The following PDGFRL variants were observed in gnomAD, a reference collection of about 807,000 sequenced individuals.
The protein encoded by PDGFRL is platelet derived growth factor receptor like, also known as platelet-derived growth factor receptor-like protein.
Under a neutral mutation model 37.2 loss-of-function variants are expected in PDGFRL, and 46 were observed. The ratio of observed to expected loss-of-function variants is 1.24; its 90% CI spans 0.98 to 1.58. The LOEUF is 1.58. Among genes scored for constraint, PDGFRL ranks in the 40% most tolerant of loss-of-function variants. The pLI is 0.00. For synonymous variants in PDGFRL, 251 were observed against 184.3 expected (o/e 1.36, Z -2.93); for missense variants, 692 against 467.6 (o/e 1.48, Z -4.43).
chr8:17,606,460 C>A (rs1181407324), intron 2 of PDGFRL, among the ~76,000 whole-genome samples: 1 of 152,132 alleles, frequency 6.6e-6, no homozygotes, highest in South Asian at 2.1e-4. Context: ...GGAAACGCCA[C>A]CCCCAAACTC....
chr8:17,597,320 C>T (rs1804074710), intron 2 of PDGFRL, among the ~76,000 whole-genome samples: 1 of 152,234 alleles, frequency 6.6e-6, no homozygotes, highest in South Asian at 2.1e-4. Flanking sequence ...CTCGTCCAGC[C>T]AAGCCTTGTA....
intron 2 of PDGFRL, among the ~76,000 whole-genome samples, chr8:17,599,108 G>C (rs1041161555): frequency 6.6e-5 from 10 of 152,044 alleles, no homozygotes; most frequent in Admixed American, 6.6e-4. Context: ...TATCCACATT[G>C]CACCTTTATG....
chr8:17,594,077 T>C (rs920360615), intron 2 of PDGFRL, among the ~76,000 whole-genome samples: 3 of 151,920 alleles, frequency 2.0e-5, no homozygotes, highest in Admixed American at 6.6e-5. Flanking sequence ...TTCTATGAGT[T>C]TGACAACTCT....
chr8:17,630,249 T>C (rs1804834825), intron 4 of PDGFRL, among the ~76,000 whole-genome samples: 3 of 152,256 alleles, frequency 2.0e-5, no homozygotes, highest in Admixed American at 2.0e-4. Context: ...CTTACTCCCT[T>C]ACTCTTGACA....
chr8:17,593,383 G>A (rs554703884), intron 2 of PDGFRL, among the ~76,000 whole-genome samples: 28 of 151,848 alleles, frequency 1.8e-4, no homozygotes, highest in Non-Finnish European at 3.8e-4. Context: ...CTTGAACCCA[G>A]GAGTTCAAGA....
intron 4 of PDGFRL, among the ~76,000 whole-genome samples, chr8:17,629,758 T>G (rs1325083152): frequency 6.6e-6 from 1 of 152,132 alleles, no homozygotes; most frequent in African/African-American, 2.4e-5. Context: ...AATGTGAACA[T>G]GTCAACCACA....
chr8:17,582,080 G>A (rs891762781), intron 1 of PDGFRL, among the ~76,000 whole-genome samples: 1 of 152,162 alleles, frequency 6.6e-6, no homozygotes, highest in Non-Finnish European at 1.5e-5. Flanking sequence ...AGACAGTAAA[G>A]TTCATGCTGA....
chr8:17,610,011 T>C (rs1478073299), intron 2 of PDGFRL, among the ~76,000 whole-genome samples: 1 of 152,216 alleles, frequency 6.6e-6, no homozygotes, highest in Non-Finnish European at 1.5e-5. Flanking sequence ...GAATTCACTG[T>C]GCTGGGTGCA....
intron 2 of PDGFRL, among the ~76,000 whole-genome samples, chr8:17,591,719 C>G (rs1444594953): frequency 6.6e-6 from 1 of 152,128 alleles, no homozygotes; most frequent in African/African-American, 2.4e-5. Context: ...GAGATTGATA[C>G]CATCCTAGCC....
At chr8:17,578,701 A>G (rs1424262570) in intron 1 of PDGFRL, among the ~76,000 whole-genome samples, 1 of 152,178 alleles carries the variant, frequency 6.6e-6, no homozygotes, top group East Asian at 1.9e-4. Context: ...AGGCTCAGAA[A>G]TTGACTTCCA....
intron 1 of PDGFRL, among the ~76,000 whole-genome samples, chr8:17,588,546 A>G (rs931873504): frequency 2.0e-5 from 3 of 151,986 alleles, no homozygotes. Context: ...GGTCTCACAT[A>G]TGTGTAGGCC....
intron 2 of PDGFRL, among the ~76,000 whole-genome samples, chr8:17,606,546 TTC>T (rs1804281430): frequency 1.3e-5 from 2 of 152,186 alleles, no homozygotes; most frequent in South Asian, 4.1e-4. Flanking sequence ...AGGTAGAGCG[TTC>T]TCTTTCCAGA....
chr8:17,606,960 A>T (rs983382813), intron 2 of PDGFRL, among the ~76,000 whole-genome samples: 1 of 139,732 alleles, frequency 7.2e-6, no homozygotes, highest in African/African-American at 2.7e-5. Flanking sequence ...CAGTGGTGCA[A>T]TCTGGGCTCA....
At chr8:17,637,243 T>A (rs1257693247) in intron 5 of PDGFRL, among the ~76,000 whole-genome samples, 2 of 152,098 alleles carry the variant, frequency 1.3e-5, no homozygotes, top group African/African-American at 4.8e-5. Context: ...TTCATTACCT[T>A]AAGGTATGTC....
chr8:17,619,590 G>GT (rs1563522694), intron 2 of PDGFRL, among the ~76,000 whole-genome samples: 1 of 152,156 alleles, frequency 6.6e-6, no homozygotes, highest in Non-Finnish European at 1.5e-5. Context: ...CAGCCAATGC[G>GT]TTTTCTTCCT....
At chr8:17,595,217 C>T (rs1804026555) in intron 2 of PDGFRL, among the ~76,000 whole-genome samples, 1 of 152,180 alleles carries the variant, frequency 6.6e-6, no homozygotes, top group African/African-American at 2.4e-5. Flanking sequence ...CTCCACTCAC[C>T]TGCTCCCAAA....
intron 2 of PDGFRL, among the ~76,000 whole-genome samples, chr8:17,590,734 C>T (rs112645369): frequency 6.6e-6 from 1 of 151,592 alleles, no homozygotes; most frequent in Non-Finnish European, 1.5e-5. Context: ...AAAAATCATA[C>T]CGTGAAAGTT....
chr8:17,636,859 A>G (rs924110151), intron 5 of PDGFRL, among the ~76,000 whole-genome samples: 23 of 151,728 alleles, frequency 1.5e-4, no homozygotes, highest in African/African-American at 5.3e-4. Flanking sequence ...TTCTGAGTAT[A>G]TATATTTTTT....
intron 1 of PDGFRL, among the ~76,000 whole-genome samples, chr8:17,582,034 G>T (rs1200612153): frequency 6.6e-6 from 1 of 152,144 alleles, no homozygotes; most frequent in African/African-American, 2.4e-5. Context: ...TTAGAGATTG[G>T]TTATATAGTT....
Sources: gnomAD v4.1 joint callset for allele counts (sites outside exome capture counted in the v4.1 genomes callset) on GRCh38, gnomAD v4.1.1 for gene constraint, MANE v1.5 for transcripts, NCBI Gene and HGNC (gene_info 2026-07-23, HGNC 2026-07-21) for gene names.